The following DSG4 variants were observed in gnomAD, a reference collection of about 807,000 sequenced individuals.
The protein encoded by DSG4 is desmoglein 4.
DSG4 carries 87 observed loss-of-function variants against 93.1 expected under a neutral mutation model. The ratio of observed to expected loss-of-function variants is 0.93; its 90% CI spans 0.79 to 1.12. The LOEUF is 1.12. Among genes scored for constraint, DSG4 ranks in the 50% most tolerant of loss-of-function variants. The pLI is 0.00. For synonymous variants in DSG4, 432 were observed against 452.9 expected, an observed-to-expected ratio of 0.95 and a Z score of 0.59; for missense variants, 1,373 against 1,285.7, an observed-to-expected ratio of 1.07 and a Z score of -1.04.
intron 1 of DSG4, among the ~76,000 whole-genome samples, chr18:31,378,377 A>T (rs946758082): frequency 6.6e-6 from 1 of 152,222 alleles, no homozygotes; most frequent in African/African-American, 2.4e-5. Flanking sequence ...TTTGACTCAG[A>T]TAAACTTTTG....
intron 3 of DSG4, among the ~76,000 whole-genome samples, chr18:31,388,143 A>C (rs74615251): frequency 4.1e-4 from 62 of 152,242 alleles, no homozygotes; most frequent in Non-Finnish European, 8.2e-4. Flanking sequence ...TATACACATT[A>C]CCTCATGTAA....
chr18:31,395,624 T>C (rs2144187989), intron 8 of DSG4, among the ~76,000 whole-genome samples: 1 of 152,326 alleles, frequency 6.6e-6, no homozygotes, highest in African/African-American at 2.4e-5. Flanking sequence ...TCCATTTTCA[T>C]TCGGGATACC....
At chr18:31,383,950 T>A (rs2072161686) in intron 1 of DSG4, among the ~76,000 whole-genome samples, 1 of 152,190 alleles carries the variant, frequency 6.6e-6, no homozygotes, top group Non-Finnish European at 1.5e-5. Flanking sequence ...TTATACATCA[T>A]TAAAAATCAT....
At chr18:31,383,284 T>C (rs2072155097) in intron 1 of DSG4, among the ~76,000 whole-genome samples, 1 of 152,218 alleles carries the variant, frequency 6.6e-6, no homozygotes, top group African/African-American at 2.4e-5. Flanking sequence ...AAGAAATTTG[T>C]GATAAATCAC....
intron 1 of DSG4, among the ~76,000 whole-genome samples, chr18:31,377,390 G>A (rs1367347734): frequency 6.6e-6 from 1 of 152,096 alleles, no homozygotes; most frequent in Non-Finnish European, 1.5e-5. Flanking sequence ...CTTTCAAAGT[G>A]GAGGAATGAT....
In DSG4 at chr18:31,400,996, A is replaced by T. The variant is rs761049079; in HGVS notation, c.1393A>T (p.Thr465Ser). 2 of 1,607,184 alleles carry T rather than the reference A, an allele frequency of 1.2e-6. No homozygotes were observed. The highest frequency in any genetic ancestry group is 1.7e-6 in the Non-Finnish European group (2 of 1,176,354). ...AAAATATATTATCAATGGGATATACACAGCAGAGATCCTGGCTATAGATGG... is the reference window on the plus strand; with the variant it reads ...AAAATATATTATCAATGGGATATACTCAGCAGAGATCCTGGCTATAGATGG... ...KSKYIINGIY[T>S]AEILAIDDGS... The change falls in exon 10 of 16, where the codon ACA (threonine) becomes TCA (serine). Residue 465 changes from threonine to serine, a missense_variant. Thr to Ser is a moderately conservative substitution (Grantham distance 58). Transcript: ENST00000308128.
chr18:31,410,937 G>A lies in DSG4; in HGVS notation c.2138-294G>A, dbSNP rs2072480622. 2.0e-5 allele frequency among the ~76,000 whole-genome samples: 3 copies of A among 152,140 alleles called. No homozygotes were observed. In the East Asian group the frequency reaches 5.8e-4, roughly 29 times the overall value. On this transcript the variant is annotated intron_variant, in intron 14 of 15. Coordinates refer to ENST00000308128, the MANE Select transcript of DSG4 (RefSeq NM_177986.5). The stretch of plus-strand genomic sequence containing the variant: ...CCCGCAGCAGCCACGGCGGGAACGG[G>A]CGCCTGCTTGTAGTTCTCTTGGCTA...
rs113951993 is a variant in DSG4, at chr18:31,403,400, A to G, written c.1418-16A>G. 562 of 1,600,902 alleles carry G rather than the reference A, an allele frequency of 3.5e-4. 4 individuals are homozygous for G. The Admixed American group carries it at 5.6e-3, about 16-fold the overall frequency. ...AACACCATTTACCTCAACACCAATG[A>G]CCCTTACTCTTTCAGATGGCTCTGG... On this transcript the variant is annotated splice_polypyrimidine_tract_variant and intron_variant, in intron 10 of 15. Coordinates refer to ENST00000308128, the MANE Select transcript of DSG4 (RefSeq NM_177986.5).
chr18:31,397,402 C>A (rs560997826), intron 8 of DSG4, among the ~76,000 whole-genome samples: 1 of 152,138 alleles, frequency 6.6e-6, no homozygotes, highest in Non-Finnish European at 1.5e-5. Flanking sequence ...TGAAGAGACT[C>A]CAGAGTAAAC....
chr18:31,393,295 C>T (rs1027142023), intron 8 of DSG4, among the ~76,000 whole-genome samples: 2 of 152,156 alleles, frequency 1.3e-5, no homozygotes, highest in African/African-American at 4.8e-5. Context: ...TCTATTCAAG[C>T]ACATAAGGCT....
chr18:31,389,016 C>A lies in DSG4; in HGVS notation c.515C>A (p.Ala172Asp), dbSNP rs1280557159. 6.2e-7 allele frequency: 1 copy of A among 1,612,846 alleles called. No homozygotes were observed. The highest frequency in any genetic ancestry group is 2.2e-5 in the East Asian group (1 of 44,826). The change falls in exon 5 of 16, where the codon GCC becomes GAC. Residue 172 changes from alanine to aspartate, a missense_variant and splice_region_variant. By Grantham distance (126) the Ala-to-Asp change is moderately radical. Coordinates refer to ENST00000308128, the MANE Select transcript of DSG4 (RefSeq NM_177986.5). ...YTASIEENSDANTLVVKLCAT... is the reference protein window; with the variant it reads ...YTASIEENSDDNTLVVKLCAT... ...GCCAGCATTGAAGAAAATAGTGATG[C>A]CAGTAAGTAGAATGACATTCCTTCT...
rs767668495 is a variant in DSG4 at position 31,411,392 on chromosome 18, C to A, written c.2299C>A (p.Arg767=). 6.2e-7 allele frequency: 1 copy of A among 1,611,004 alleles called. No homozygotes were observed. Among genetic ancestry groups the A allele is most frequent in the African/African-American group, 1.4e-5 (1 of 72,656 alleles). The part of the protein sequence containing the change: ...RKRSSTMGTL[R]DYADADINMA... ...GAGGAGCTCTACCATGGGAACCCTG[C>A]GGGACTACGCTGACGCAGACATCAA... The change falls in exon 15 of 16, where the codon CGG becomes AGG. Residue 767 remains arginine (R), a synonymous_variant. Coordinates refer to ENST00000308128, the MANE Select transcript of DSG4 (RefSeq NM_177986.5).
At chr18:31,399,695 T>A in intron 9 of DSG4, 152 bp downstream of exon 9, 1 of 1,077,208 alleles carries the variant, frequency 9.3e-7, no homozygotes, top group Non-Finnish European at 1.3e-6. Flanking sequence ...TTTGAAATCT[T>A]AGAATTTTAA....
chr18:31,403,446 T>TAG lies in DSG4; in HGVS notation c.1449_1450insGA (p.Cys484AspfsTer53). 1.2e-6 allele frequency: 2 copies of TAG among 1,613,600 alleles called. No individual in the cohort carries two copies. The highest frequency in any genetic ancestry group is 1.7e-6 in the Non-Finnish European group (2 of 1,179,754). ...TCTGGAAAAACAGCTACAGGAACCA[T>TAG]ATGTATTGAGGTTCCTGATATCAAT... On this transcript the variant is annotated frameshift_variant, in exon 11 of 16. Coordinates refer to ENST00000308128, the MANE Select transcript of DSG4 (RefSeq NM_177986.5). LOFTEE classifies it high-confidence loss of function.
Position 31,399,459 on chromosome 18 carries a change from T to A in DSG4, c.1193T>A (p.Ile398Lys), listed in dbSNP as rs1387261643. The change falls in exon 9 of 16, where the codon ATA becomes AAA. Residue 398 changes from isoleucine to lysine, a missense_variant. Transcript: ENST00000308128. ...ATGGCTTTTAGTGTGCGGGAAGGAATAAAAGGAAGTTCCTTATTGAATTAT... is the reference window on the plus strand; with the variant it reads ...ATGGCTTTTAGTGTGCGGGAAGGAAAAAAAGGAAGTTCCTTATTGAATTAT... ...STMAFSVREG[I>K]KGSSLLNYVL... 4.3e-6 allele frequency: 7 copies of A among 1,613,954 alleles called. No homozygotes were observed. The East Asian group carries it at 1.3e-4, about 31-fold the overall frequency.
At chr18:31,397,137 C>CA (rs1424620705) in intron 8 of DSG4, among the ~76,000 whole-genome samples, 2 of 152,018 alleles carry the variant, frequency 1.3e-5, no homozygotes, top group South Asian at 2.1e-4. Flanking sequence ...TAAATTAGAA[C>CA]AAAAAAATTG....
chr18:31,402,045 G>A (rs951165561), intron 10 of DSG4, among the ~76,000 whole-genome samples: 2 of 152,118 alleles, frequency 1.3e-5, no homozygotes, highest in Admixed American at 1.3e-4. Flanking sequence ...CATGTTGATT[G>A]CACCCTATGT....
At chr18:31,395,076 A>G (rs746013458) in intron 8 of DSG4, among the ~76,000 whole-genome samples, 7 of 152,216 alleles carry the variant, frequency 4.6e-5, no homozygotes, top group Non-Finnish European at 8.8e-5. Context: ...TGAGAATAGT[A>G]TTGATGATAC....
At chr18:31,404,961 G>A (rs2072408517) in intron 11 of DSG4, among the ~76,000 whole-genome samples, 1 of 152,172 alleles carries the variant, frequency 6.6e-6, no homozygotes, top group African/African-American at 2.4e-5. Context: ...CACTGGAGAT[G>A]ATATTCCTAG....
Sources: allele counts gnomAD v4.1 joint callset (sites outside exome capture counted in the v4.1 genomes callset), GRCh38; gene constraint gnomAD v4.1.1; transcripts MANE v1.5; gene names NCBI Gene and HGNC (gene_info 2026-07-23, HGNC 2026-07-21).